Variants in STK36 observed in about 807,000 individuals in gnomAD.
The protein encoded by STK36 is serine/threonine kinase 36.
A neutral mutation model predicts 142.2 loss-of-function variants in STK36; 116 were observed. The observed-to-expected ratio is 0.82, with a 90% CI of 0.70 to 0.95. The LOEUF is 0.95. STK36 is among the 40% of genes least tolerant of loss of function. STK36 has a pLI of 0.00. For synonymous variants in STK36, 619 were observed against 641.7 expected (o/e 0.96, Z 0.53); for missense variants, 1,422 against 1,617.2 (o/e 0.88, Z 2.07).
At chr2:218,680,303 T>C (rs1940457458) in intron 9 of STK36, among the ~76,000 whole-genome samples, 1 of 152,156 alleles carries the variant, frequency 6.6e-6, no homozygotes, top group Admixed American at 6.5e-5. Flanking sequence ...GACTGAAAGG[T>C]TGGCTGAAAG....
chr2:218,672,577 C>T (rs545385056), intron 1 of STK36, among the ~76,000 whole-genome samples, 164 bp from the exon 2 acceptor site: 10 of 152,018 alleles, frequency 6.6e-5, no homozygotes, highest in Non-Finnish European at 1.5e-4. Context: ...GGGTTGGGGA[C>T]AGGAGGATGA....
intron 6 of STK36, among the ~76,000 whole-genome samples, chr2:218,677,596 A>G (rs1940314009): frequency 6.6e-6 from 1 of 152,146 alleles, no homozygotes; most frequent in Non-Finnish European, 1.5e-5. Context: ...CATCTATTCC[A>G]CTTACTTCCT....
chr2:218,690,332 G>A (rs986075828), intron 13 of STK36, 118 bp from the exon 14 acceptor site: 3 of 817,530 alleles, frequency 3.7e-6, no homozygotes, highest in Non-Finnish European at 6.4e-6. Context: ...GAGAAGGGAG[G>A]AACATTCTGA....
intron 26 of STK36, among the ~76,000 whole-genome samples, chr2:218,700,652 C>T (rs956248757): frequency 2.2e-4 from 34 of 151,786 alleles, no homozygotes; most frequent in Admixed American, 9.8e-4. Flanking sequence ...CCACCCGCCT[C>T]AGCCTCCCAA....
chr2:218,680,868 A>G (rs146367281), intron 10 of STK36, among the ~76,000 whole-genome samples, 166 bp downstream of exon 10: 1 of 152,324 alleles, frequency 6.6e-6, no homozygotes, highest in Non-Finnish European at 1.5e-5. Flanking sequence ...ATCTGAACAT[A>G]TAATTATTTA....
chr2:218,698,622 G>A lies in STK36; in HGVS notation c.3078G>A (p.Pro1026=), dbSNP rs376298365. 3.6e-5 allele frequency: 58 copies of A among 1,613,820 alleles called. No homozygotes were observed. In the African/African-American group the frequency reaches 4.5e-4, roughly 13 times the overall value. Residue 1026 remains proline (P), a synonymous_variant, in exon 26 of 27, where the codon CCG becomes CCA. Coordinates refer to ENST00000295709, the MANE Select transcript of STK36 (RefSeq NM_015690.5). ...HLLQVCCYHL[P]LMQVELPISL... is the part of the protein sequence containing the mutation. ...CTCAGGTCTGCTGCTACCATCTTCC[G>A]TTGATGCAAGTGGAGCTGCCCATCA... is the stretch of plus-strand genomic sequence containing the variant.
chr2:218,685,927 C>A (rs1290316265), intron 11 of STK36, among the ~76,000 whole-genome samples: 1 of 151,972 alleles, frequency 6.6e-6, no homozygotes, highest in Admixed American at 6.6e-5. Flanking sequence ...CCAGTAAAAT[C>A]CCTCATACCC....
rs962948943 is a variant in STK36 at position 218,679,460 on chromosome 2, C to T, written c.779-100C>T. On this transcript the variant is annotated intron_variant, in intron 7 of 26. Transcript: ENST00000295709. The stretch of plus-strand genomic sequence containing the variant: ...TCTGTCACTTTTTCAAAATGATCTT[C>T]TTCCACAGAAGCCTGGAGACACTGA... 9 of 1,431,934 alleles carry T rather than the reference C, an allele frequency of 6.3e-6. No homozygotes were observed. The Admixed American group carries it at 1.9e-4, about 30-fold the overall frequency. 88.7% of individuals were successfully genotyped at this position (1,431,934 alleles called of 1,614,324 possible).
chr2:218,687,283 T>G (rs558049036), intron 11 of STK36, among the ~76,000 whole-genome samples: 31 of 152,372 alleles, frequency 2.0e-4, no homozygotes, highest in Middle Eastern at 3.4e-3. Context: ...TTACTGTTTT[T>G]TCCCTTTGTG....
chr2:218,697,111 A>T lies in STK36; in HGVS notation c.2659A>T (p.Met887Leu), dbSNP rs151269440. Residue 887 changes from methionine (M) to leucine (L), a missense_variant, in exon 23 of 27, where the codon ATG (methionine) becomes TTG (leucine). Met to Leu is a conservative substitution (Grantham distance 15, BLOSUM62 2). Transcript: ENST00000295709. Reference protein sequence around the residue: ...MWTVLWHRFSMVLRLPEEASA... With the variant: ...MWTVLWHRFSLVLRLPEEASA... ...GACCGTTTTGTGGCACCGCTTCTCC[A>T]TGGTCCTGAGGCTCCCCGAGGAGGC... 4 of 1,614,094 alleles carry T rather than the reference A, an allele frequency of 2.5e-6. No individual in the cohort carries two copies.
rs1175415874 is a variant in STK36, at chr2:218,675,461, T to C, written c.422T>C (p.Leu141Pro). Residue 141 changes from leucine to proline, a missense_variant, in exon 5 of 27, where the codon CTC (leucine) becomes CCC (proline). Leu to Pro is a moderately conservative substitution (Grantham distance 98). Around this residue, in one of 2 missense-constraint regions of STK36, gnomAD observed 460 missense variants for 449.6 expected, o/e 1.02. Transcript: ENST00000295709. ...ILLAKGGGIK[L>P]CDFGFARAMS... The stretch of plus-strand genomic sequence containing the variant: ...CTCGCCAAGGGTGGTGGCATCAAGC[T>C]CTGTGACTTTGGGTAAAGATTCTGA... 8.1e-6 allele frequency: 13 copies of C among 1,612,036 alleles called. No homozygotes were observed. The highest frequency in any genetic ancestry group is 4.0e-5 in the African/African-American group (3 of 74,498).
At position 218,679,933 on chromosome 2, in the gene STK36, A is replaced by C. The variant is rs747011376; in HGVS notation, c.989A>C (p.Lys330Thr). The part of the protein sequence containing the change: ...NTGPALEQED[K>T]TSKVAPGTAP... The stretch of plus-strand genomic sequence containing the variant: ...GGACCTGCCCTTGAGCAAGAGGACA[A>C]GACCAGCAAGGTGGCTCCTGGCACA... Residue 330 changes from lysine (K) to threonine (T), a missense_variant, in exon 9 of 27, where the codon AAG (lysine) becomes ACG (threonine). Physicochemically the swap from Lys to Thr is moderately conservative, Grantham distance 78 (BLOSUM62 -1). This residue lies in a region of STK36 where 460 missense variants were observed against 449.6 expected (regional missense o/e 1.02). Transcript: ENST00000295709. The C allele has an allele frequency of 6.2e-7, 1 of 1,614,212 alleles. No homozygotes were observed. The highest frequency in any genetic ancestry group is 2.2e-5 in the East Asian group (1 of 44,892).
intron 10 of STK36, among the ~76,000 whole-genome samples, chr2:218,681,777 G>T (rs1340570699): frequency 1.3e-5 from 2 of 152,186 alleles, no homozygotes; most frequent in African/African-American, 4.8e-5. Context: ...CCTTCTTATA[G>T]CATCAGTCCA....
intron 15 of STK36, 70 bp from the exon 16 acceptor site, chr2:218,692,513 T>A: frequency 6.5e-7 from 1 of 1,540,196 alleles, no homozygotes; most frequent in South Asian, 1.3e-5. Flanking sequence ...GCCATGTCGG[T>A]GAGTACTGGT....
chr2:218,676,037 G>A lies in STK36; in HGVS notation c.443G>A (p.Arg148Gln), dbSNP rs369351984. ...GIKLCDFGFARAMSTNTMVLT... is the reference protein window; with the variant it reads ...GIKLCDFGFAQAMSTNTMVLT... ...CCCATTATCTTCTGCAGATTTGCCC[G>A]GGCTATGAGCACCAATACAATGGTG... The change falls in exon 6 of 27, where the codon CGG becomes CAG. Residue 148 changes from arginine to glutamine, a missense_variant. Coordinates refer to ENST00000295709, the MANE Select transcript of STK36 (RefSeq NM_015690.5). 1.3e-5 allele frequency: 21 copies of A among 1,613,508 alleles called. No homozygotes were observed. The highest frequency in any genetic ancestry group is 1.2e-4 in the African/African-American group (9 of 74,842).
intron 10 of STK36, chr2:218,684,619 C>T (rs1940697209): frequency 6.6e-6 from 1 of 152,638 alleles, no homozygotes; most frequent in Non-Finnish European, 1.5e-5. Context: ...GGGGGTTTCA[C>T]CACATTGGCC....
At chr2:218,700,522 C>T (rs886104868) in intron 26 of STK36, among the ~76,000 whole-genome samples, 10 of 151,940 alleles carry the variant, frequency 6.6e-5, no homozygotes, top group Non-Finnish European at 1.5e-4. Flanking sequence ...CTGTCTCAGC[C>T]TCCCAAGTAG....
rs143743184 is a variant in STK36 at position 218,693,645 on chromosome 2, G to A, written c.2149-78G>A. Reference sequence around the variant, plus strand: ...TACCAGATCTTTTGAGGGGCTGGCCGGTGTTTCCGCTGAGCCTTCAATCTT... The same window carrying A: ...TACCAGATCTTTTGAGGGGCTGGCCAGTGTTTCCGCTGAGCCTTCAATCTT... On this transcript the variant is annotated intron_variant, in intron 17 of 26. Coordinates refer to ENST00000295709, the MANE Select transcript of STK36 (RefSeq NM_015690.5). 1,733 of 1,331,218 alleles carry A rather than the reference G, an allele frequency of 1.3e-3. 10 individuals are homozygous for A. The African/African-American group carries it at 0.021, about 16-fold the overall frequency. The allele number at this position is 1,331,218 out of a possible 1,614,324, so 82.5% of individuals were successfully genotyped here. A position where few individuals can be genotyped will look rare whatever the true frequency, so the allele number is the denominator to read the frequency against.
rs1416261402 is a variant in STK36, at chr2:218,684,977, C to A, written c.1237-108C>A. 1.3e-5 allele frequency: 18 copies of A among 1,429,772 alleles called. No individual in the cohort carries two copies. The East Asian group carries it at 4.1e-4, about 33-fold the overall frequency. 88.6% of individuals were successfully genotyped at this position (1,429,772 alleles called of 1,614,324 possible). On this transcript the variant is annotated intron_variant, in intron 10 of 26. Coordinates refer to ENST00000295709, the MANE Select transcript of STK36 (RefSeq NM_015690.5). The stretch of plus-strand genomic sequence containing the variant: ...ATATACATCTGTGCTAAAGGGGTCA[C>A]TGGCTCCTTGCAGTTACTTCATGAT...
Sources: gnomAD v4.1 joint callset for allele counts (sites outside exome capture counted in the v4.1 genomes callset) on GRCh38, gnomAD v4.1.1 for gene constraint, gnomAD v4.1.1 regional missense constraint, MANE v1.5 for transcripts, NCBI Gene and HGNC (gene_info 2026-07-23, HGNC 2026-07-21) for gene names.